The following HACE1 variants were observed in gnomAD, a reference collection of about 807,000 sequenced individuals.
HACE1 encodes the protein E3 ubiquitin-protein ligase HACE1.
A neutral mutation model predicts 118.4 loss-of-function variants in HACE1; 73 were observed. That is an observed-to-expected ratio of 0.62 (90% CI 0.51 to 0.75). The LOEUF (loss-of-function observed/expected upper bound fraction) is 0.75. Among genes scored for constraint, HACE1 ranks in the 30% least tolerant of loss-of-function variants. The pLI, the probability that HACE1 is intolerant of heterozygous loss-of-function variation, is 0.00. For missense variants in HACE1, 749 were observed against 1,102.2 expected, an observed-to-expected ratio of 0.68 and a Z score of 4.54; for synonymous variants, 368 against 374.8, an observed-to-expected ratio of 0.98 and a Z score of 0.21.
chr6:104,757,013 G>A (rs1778777341), intron 19 of HACE1, among the ~76,000 whole-genome samples: 1 of 152,198 alleles, frequency 6.6e-6, no homozygotes, highest in South Asian at 2.1e-4. Flanking sequence ...CCATTGCTGA[G>A]GCTTGAGTAG....
chr6:104,803,139 C>A (rs1770580952), intron 7 of HACE1, among the ~76,000 whole-genome samples: 1 of 151,476 alleles, frequency 6.6e-6, no homozygotes, highest in African/African-American at 2.4e-5. Flanking sequence ...TGGACTAAAC[C>A]AGGAAGAAGT....
intron 19 of HACE1, among the ~76,000 whole-genome samples, chr6:104,765,592 T>C (rs925579257): frequency 3.3e-5 from 5 of 152,228 alleles, no homozygotes; most frequent in African/African-American, 4.8e-5. Context: ...AGATGCTCTA[T>C]TGCCACAAAT....
intron 7 of HACE1, among the ~76,000 whole-genome samples, chr6:104,807,661 G>C (rs555888034): frequency 1.1e-4 from 16 of 152,148 alleles, no homozygotes; most frequent in African/African-American, 3.9e-4. Context: ...AATATTGGTA[G>C]AAGTCATATA....
At chr6:104,746,939 A>C (rs1777496095) in intron 20 of HACE1, among the ~76,000 whole-genome samples, 1 of 152,184 alleles carries the variant, frequency 6.6e-6, no homozygotes, top group Non-Finnish European at 1.5e-5. Flanking sequence ...GACTAACATT[A>C]TATTCTCTCA....
At chr6:104,830,758 C>CTTTTTTTT (rs3035081) in intron 6 of HACE1, among the ~76,000 whole-genome samples, 1 of 132,958 alleles carries the variant, frequency 7.5e-6, no homozygotes, top group Non-Finnish European at 1.6e-5. Flanking sequence ...AAATTACATT[C>CTTTTTTTT]TTTTTTTTTT....
rs967837206 is a variant in HACE1 at position 104,777,197 on chromosome 6, T to G, written c.1678+9A>C. ...TTCACACATATATCAGTTTCTTTGT[T>G]AAGCATACCTCTGTGAACCAGCAGG... On this transcript the variant is annotated intron_variant, in intron 15 of 23. Transcript: ENST00000262903. The G allele has an allele frequency of 6.3e-7, 1 of 1,593,820 alleles. No homozygotes were observed. Among genetic ancestry groups the G allele is most frequent in the African/African-American group, 1.3e-5 (1 of 74,564 alleles).
intron 19 of HACE1, among the ~76,000 whole-genome samples, chr6:104,756,340 A>G (rs1158805235): frequency 3.3e-5 from 5 of 150,326 alleles, no homozygotes; most frequent in Non-Finnish European, 7.4e-5. Flanking sequence ...TGAACCCAGT[A>G]GGCAGAGGTT....
intron 19 of HACE1, among the ~76,000 whole-genome samples, chr6:104,751,157 C>CA (rs1362806706): frequency 6.6e-6 from 1 of 152,096 alleles, no homozygotes; most frequent in Non-Finnish European, 1.5e-5. Context: ...GTCCGGGCCC[C>CA]AATGTGTTTA....
intron 14 of HACE1, among the ~76,000 whole-genome samples, chr6:104,779,893 C>A (rs530850870): frequency 6.6e-6 from 1 of 152,028 alleles, no homozygotes; most frequent in African/African-American, 2.4e-5. Flanking sequence ...AATTAGCAAT[C>A]ATTTATTAAG....
intron 19 of HACE1, among the ~76,000 whole-genome samples, chr6:104,765,567 T>C (rs1274931957): frequency 1.3e-5 from 2 of 152,256 alleles, no homozygotes; most frequent in African/African-American, 4.8e-5. Flanking sequence ...ATTTCACCAC[T>C]GTTTTGTGAT....
In HACE1 at chr6:104,850,887, C is replaced by G; in HGVS notation, c.221+20G>C. 1 of 1,455,794 alleles carries G rather than the reference C, an allele frequency of 6.9e-7. No homozygotes were observed. The highest frequency in any genetic ancestry group is 9.7e-7 in the Non-Finnish European group (1 of 1,035,610). The allele number at this position is 1,455,794 out of a possible 1,614,324, so 90.2% of individuals were successfully genotyped here. On this transcript the variant is annotated intron_variant, in intron 3 of 23. Coordinates refer to ENST00000262903, the MANE Select transcript of HACE1 (RefSeq NM_020771.4). The stretch of plus-strand genomic sequence containing the variant: ...CCTTGCCCTAGATCAGAGTTTAACT[C>G]AAAATATCTTTAGTCTTACTTTGCT...
At chr6:104,732,855 G>C (rs758229584) in intron 22 of HACE1, among the ~76,000 whole-genome samples, 3 of 152,162 alleles carry the variant, frequency 2.0e-5, no homozygotes, top group Non-Finnish European at 4.4e-5. Context: ...CTGGGAAGTC[G>C]TCTGGTTTGG....
chr6:104,849,815 C>CT (rs887580009), intron 3 of HACE1, among the ~76,000 whole-genome samples: 125 of 150,754 alleles, frequency 8.3e-4, no homozygotes, highest in Non-Finnish European at 3.0e-4. Flanking sequence ...TGCCAGGCTA[C>CT]TTTTTTTTGT....
At chr6:104,832,931 G>T in intron 6 of HACE1, 111 bp downstream of exon 6, 1 of 1,015,488 alleles carries the variant, frequency 9.8e-7, no homozygotes, top group Non-Finnish European at 1.5e-6. Context: ...CAGAAAATAA[G>T]ATTTTGCTAT....
chr6:104,749,007 T>C (rs753744840), intron 20 of HACE1, among the ~76,000 whole-genome samples: 2 of 152,208 alleles, frequency 1.3e-5, no homozygotes, highest in Non-Finnish European at 2.9e-5. Flanking sequence ...TATACATTTA[T>C]GATGTGTGTC....
At chr6:104,762,264 G>A (rs1779440665) in intron 19 of HACE1, among the ~76,000 whole-genome samples, 1 of 152,144 alleles carries the variant, frequency 6.6e-6, no homozygotes, top group South Asian at 2.1e-4. Flanking sequence ...GTTTACTGCA[G>A]CACTGTTCAC....
intron 11 of HACE1, chr6:104,786,367 G>A (rs1480112759): frequency 3.5e-5 from 5 of 142,382 alleles, no homozygotes; most frequent in Non-Finnish European, 6.1e-5. Flanking sequence ...ATACTGAGTA[G>A]CAAATTCTTA....
intron 6 of HACE1, among the ~76,000 whole-genome samples, chr6:104,831,855 T>C (rs1005463424): frequency 6.7e-6 from 1 of 149,616 alleles, no homozygotes; most frequent in Non-Finnish European, 1.5e-5. Context: ...ATGGCGCCAC[T>C]GCACTCCAGC....
intron 17 of HACE1, among the ~76,000 whole-genome samples, chr6:104,774,942 C>A (rs1781070147): frequency 6.6e-6 from 1 of 152,184 alleles, no homozygotes; most frequent in African/African-American, 2.4e-5. Flanking sequence ...ATATGTAATT[C>A]TCTTTGTCAA....
Sources: gnomAD v4.1 joint callset for allele counts (sites outside exome capture counted in the v4.1 genomes callset) on GRCh38, gnomAD v4.1.1 for gene constraint, MANE v1.5 for transcripts, NCBI Gene and HGNC (gene_info 2026-07-23, HGNC 2026-07-21) for gene names.